The following TMEM108 variants were observed in gnomAD, a reference collection of about 807,000 sequenced individuals.
The protein encoded by TMEM108 is cancer/testis antigen 124.
A neutral mutation model predicts 35.1 loss-of-function variants in TMEM108; 12 were observed. The observed-to-expected ratio is 0.34, with a 90% CI of 0.22 to 0.55. The LOEUF (loss-of-function observed/expected upper bound fraction) is 0.55. Ranked by LOEUF, TMEM108 falls within the 20% of genes least tolerant of loss-of-function variation. The probability of loss-of-function intolerance (pLI) is 0.89; values close to 1 mark genes in which losing one functional copy is unlikely to be tolerated. For missense variants in TMEM108, 680 were observed against 753.3 expected (o/e 0.90, Z 1.14); for synonymous variants, 287 against 308.6 (o/e 0.93, Z 0.73).
intron 3 of TMEM108, chr3:133,247,483 G>A (rs1946403160): frequency 6.6e-6 from 1 of 152,056 alleles, no homozygotes; most frequent in African/African-American, 2.4e-5. Context: ...GAGTGTTAAG[G>A]AAATAGGGTA....
chr3:133,168,312 T>C (rs1461167281), intron 2 of TMEM108, among the ~76,000 whole-genome samples: 1 of 152,164 alleles, frequency 6.6e-6, no homozygotes, highest in East Asian at 1.9e-4. Context: ...CTTACAATTC[T>C]GGAAGCTGAG....
At chr3:133,270,545 CCTG>C (rs1310367859) in intron 3 of TMEM108, among the ~76,000 whole-genome samples, 10 of 152,150 alleles carry the variant, frequency 6.6e-5, no homozygotes, top group Non-Finnish European at 1.5e-4. Context: ...CTTCCTACCA[CCTG>C]CTGCTGCTTT....
At chr3:133,045,493 G>C (rs1403293220) in intron 1 of TMEM108, among the ~76,000 whole-genome samples, 1 of 152,180 alleles carries the variant, frequency 6.6e-6, no homozygotes, top group African/African-American at 2.4e-5. Context: ...AAGTGTGACT[G>C]TGTAATTGAG....
intron 2 of TMEM108, among the ~76,000 whole-genome samples, chr3:133,049,193 A>C (rs960733500): frequency 6.6e-6 from 1 of 152,102 alleles, no homozygotes; most frequent in Non-Finnish European, 1.5e-5. Flanking sequence ...TCTTGTGATA[A>C]CCTCTTGGAT....
intron 3 of TMEM108, among the ~76,000 whole-genome samples, chr3:133,347,350 C>T (rs115207051): frequency 0.016 from 2,478 of 152,144 alleles, 55 homozygotes; most frequent in African/African-American, 0.055. Flanking sequence ...AGATCTTGTA[C>T]ATATTTTGTT....
At chr3:133,371,874 C>T (rs1203913256) in intron 3 of TMEM108, among the ~76,000 whole-genome samples, 1 of 152,126 alleles carries the variant, frequency 6.6e-6, no homozygotes, top group Non-Finnish European at 1.5e-5. Flanking sequence ...CAGACATGGT[C>T]CCAGCCCTGG....
At chr3:133,203,467 C>T (rs897846442) in intron 2 of TMEM108, among the ~76,000 whole-genome samples, 5 of 152,074 alleles carry the variant, frequency 3.3e-5, no homozygotes, top group Non-Finnish European at 7.4e-5. Flanking sequence ...AGATACGTTC[C>T]ATTAATTCCT....
intron 3 of TMEM108, among the ~76,000 whole-genome samples, chr3:133,291,258 G>GT (rs143163689): frequency 0.016 from 2,329 of 148,280 alleles, 107 homozygotes; most frequent in Admixed American, 0.1. Context: ...CCACCGTGGA[G>GT]TTTTTTTTTT....
intron 3 of TMEM108, among the ~76,000 whole-genome samples, chr3:133,295,836 G>T (rs1007505278): frequency 6.6e-6 from 1 of 152,174 alleles, no homozygotes; most frequent in Non-Finnish European, 1.5e-5. Context: ...CAGCATTGCA[G>T]CTGGGCCCGC....
chr3:133,271,662 T>C (rs541457888), intron 3 of TMEM108, among the ~76,000 whole-genome samples: 18 of 152,174 alleles, frequency 1.2e-4, no homozygotes, highest in African/African-American at 4.1e-4. Context: ...AGAGAGTGAT[T>C]AACACAACAG....
chr3:133,319,931 C>G (rs146629148), intron 3 of TMEM108, among the ~76,000 whole-genome samples: 103 of 152,190 alleles, frequency 6.8e-4, no homozygotes, highest in African/African-American at 2.5e-3. Context: ...AATAGTCTAC[C>G]CAGATGAGAA....
chr3:133,128,014 T>A (rs1180118345), intron 2 of TMEM108, among the ~76,000 whole-genome samples: 1 of 152,202 alleles, frequency 6.6e-6, no homozygotes, highest in Non-Finnish European at 1.5e-5. Flanking sequence ...CCTGTGAAAC[T>A]TAAAGAACTT....
intron 3 of TMEM108, among the ~76,000 whole-genome samples, chr3:133,292,360 C>T (rs11922891): frequency 0.37 from 56,918 of 152,006 alleles, 10,649 homozygotes; most frequent in East Asian, 0.48. Flanking sequence ...CCTCCAGTTC[C>T]ATTGTTTTTA....
At chr3:133,355,909 G>C (rs1290182490) in intron 3 of TMEM108, among the ~76,000 whole-genome samples, 1 of 152,060 alleles carries the variant, frequency 6.6e-6, no homozygotes, top group South Asian at 2.1e-4. Flanking sequence ...AAAAAATAGT[G>C]TATTTCTTCT....
intron 4 of TMEM108, among the ~76,000 whole-genome samples, chr3:133,381,788 G>C (rs919356912): frequency 6.6e-6 from 1 of 152,170 alleles, no homozygotes; most frequent in Non-Finnish European, 1.5e-5. Context: ...AAGTTCTATA[G>C]CTTTGGCAAA....
At chr3:133,275,379 T>A (rs1176503084) in intron 3 of TMEM108, among the ~76,000 whole-genome samples, 1 of 152,252 alleles carries the variant, frequency 6.6e-6, no homozygotes, top group Non-Finnish European at 1.5e-5. Flanking sequence ...AAAATATTAT[T>A]TTAACATGTA....
intron 3 of TMEM108, among the ~76,000 whole-genome samples, chr3:133,289,402 A>G (rs1233820646): frequency 1.3e-5 from 2 of 152,214 alleles, no homozygotes; most frequent in African/African-American, 4.8e-5. Flanking sequence ...CTAGGGTACT[A>G]CAGTGAACTG....
chr3:133,051,281 TC>T (rs1435875936), intron 2 of TMEM108, among the ~76,000 whole-genome samples: 1 of 152,132 alleles, frequency 6.6e-6, no homozygotes, highest in African/African-American at 2.4e-5. Flanking sequence ...ATGTAGAACA[TC>T]TTTTGATATG....
At chr3:133,073,484 TTCTCTCTCTC>T (rs371623398) in intron 2 of TMEM108, among the ~76,000 whole-genome samples, 1 of 55,650 alleles carries the variant, frequency 1.8e-5, no homozygotes, top group Non-Finnish European at 3.0e-5. Flanking sequence ...TAGTATTCTA[TTCTCTCTCTC>T]TCTCTCTCTC....
Sources: allele counts gnomAD v4.1 joint callset (sites outside exome capture counted in the v4.1 genomes callset), GRCh38; gene constraint gnomAD v4.1.1; transcripts MANE v1.5; gene names NCBI Gene and HGNC (gene_info 2026-07-23, HGNC 2026-07-21).